ZNF799: variants seen among roughly 807,000 people sequenced by gnomAD.
The protein encoded by ZNF799 is zinc finger protein 799.
In ZNF799, 28 loss-of-function variants were observed where a neutral mutation model predicts 41.0. The ratio of observed to expected loss-of-function variants is 0.68; its 90% CI spans 0.51 to 0.94. The LOEUF (loss-of-function observed/expected upper bound fraction) is 0.94, where lower values mean the gene tolerates loss of function less well. ZNF799 is among the 40% of genes least tolerant of loss of function. ZNF799 has a pLI of 0.00. For synonymous variants in ZNF799, 213 were observed against 252.9 expected, an observed-to-expected ratio of 0.84 and a Z score of 1.50; for missense variants, 716 against 764.3, an observed-to-expected ratio of 0.94 and a Z score of 0.74.
At chr19:12,414,992 C>T in the ZNF799 span, among the ~76,000 whole-genome samples, 1 of 152,244 alleles carries the variant, frequency 6.6e-6, no homozygotes, top group African/African-American at 2.4e-5. Context: ...AAACCTGAAA[C>T]ATTAGACTTT....
At chr19:12,400,863 G>A in intron 1 of ZNF799, 1 of 843,454 alleles carries the variant, frequency 1.2e-6, no homozygotes, top group South Asian at 1.7e-5. Context: ...GGCCGCAGTC[G>A]CCGCGCAGGA....
chr19:12,411,307 C>G, the ZNF799 span, among the ~76,000 whole-genome samples: 1 of 152,010 alleles, frequency 6.6e-6, no homozygotes, highest in Non-Finnish European at 1.5e-5. Context: ...GCTTTGAAGT[C>G]TATAGTAATG....
chr19:12,401,181 G>T lies in ZNF799; in HGVS notation c.-111C>A. 2.5e-6 allele frequency: 4 copies of T among 1,590,818 alleles called. 1 individual carries two copies. The highest frequency in any genetic ancestry group is 8.5e-7 in the Non-Finnish European group (1 of 1,169,946). ...TTCCAGGTCGTCTCTTAGCTACAGA[G>T]CCGAGCACCGAGCGCCCAGCGCAGG... On this transcript the variant is annotated 5_prime_UTR_variant, in exon 1 of 4. Coordinates refer to ENST00000430385, the MANE Select transcript of ZNF799 (RefSeq NM_001080821.3).
intron 1 of ZNF799, chr19:12,394,445 T>G (rs763273708): frequency 2.7e-6 from 1 of 370,146 alleles, no homozygotes; most frequent in African/African-American, 2.2e-5. Flanking sequence ...GGGTCTATAA[T>G]GAACTTTCTG....
At chr19:12,397,644 A>C (rs953077795) in intron 1 of ZNF799, among the ~76,000 whole-genome samples, 1 of 151,950 alleles carries the variant, frequency 6.6e-6, no homozygotes, top group African/African-American at 2.4e-5. Flanking sequence ...AAATACAATC[A>C]TATAGACTCC....
At chr19:12,397,842 A>G (rs1000356080) in intron 1 of ZNF799, among the ~76,000 whole-genome samples, 10 of 152,316 alleles carry the variant, frequency 6.6e-5, no homozygotes, top group African/African-American at 2.4e-4. Context: ...AGATCCACCA[A>G]TGTGTGCAAG....
chr19:12,399,477 A>G (rs10425337), intron 1 of ZNF799, among the ~76,000 whole-genome samples: 4,538 of 151,224 alleles, frequency 0.03, 219 homozygotes, highest in African/African-American at 0.1. Flanking sequence ...GTGTCCCAGG[A>G]GTTAGCTTTT....
Position 12,390,476 on chromosome 19 carries a change from T to C in ZNF799, c.1922A>G (p.Lys641Arg). 1.2e-6 allele frequency: 2 copies of C among 1,613,920 alleles called. No individual in the cohort carries two copies. Among genetic ancestry groups the C allele is most frequent in the Non-Finnish European group, 1.7e-6 (2 of 1,179,828 alleles). The change falls in exon 4 of 4, where the codon AAG becomes AGG. Residue 641 changes from lysine (K) to arginine (R), a missense_variant. Physicochemically the swap from Lys to Arg is conservative, Grantham distance 26. Coordinates refer to ENST00000430385, the MANE Select transcript of ZNF799 (RefSeq NM_001080821.3). ...CATTTAGAGAGAATGCTAGTGAGTC[T>C]TTTTATGTCTATGCAAGGAACTGAG... ...ASLSSLHRHKKTH is the reference protein window; with the variant it reads ...ASLSSLHRHKRTH
chr19:12,394,193 A>G (rs997968857), intron 1 of ZNF799: 1 of 152,354 alleles, frequency 6.6e-6, no homozygotes. Context: ...TGAGAAGAGT[A>G]AGAGATCTGA....
chr19:12,391,125 G>A lies in ZNF799; in HGVS notation c.1273C>T (p.Gln425Ter). The change falls in exon 4 of 4, where the codon CAA becomes TAA. Residue 425 changes from glutamine to a stop codon, truncating the protein, a stop_gained. Transcript: ENST00000430385. LOFTEE classifies it high-confidence loss of function. ...GAAATACGGTAGGCTTTGCCACATT[G>A]TTTACATTTATAGGGTTTCTCTGCA... is the stretch of plus-strand genomic sequence containing the variant. The part of the protein sequence containing the change: ...HTAEKPYKCK[Q>*]CGKAYRISSS... 1 of 1,614,134 alleles carries A rather than the reference G, an allele frequency of 6.2e-7. No homozygotes were observed. The highest frequency in any genetic ancestry group is 8.5e-7 in the Non-Finnish European group (1 of 1,180,014).
At chr19:12,409,103 A>T in the ZNF799 span, among the ~76,000 whole-genome samples, 12 of 151,884 alleles carry the variant, frequency 7.9e-5, no homozygotes, top group African/African-American at 2.4e-4. Flanking sequence ...GGTTTTGTGG[A>T]AGACAATTTT....
At position 12,400,984 on chromosome 19, in the gene ZNF799, G is replaced by A. The variant is rs531071022; in HGVS notation, c.3+84C>T. ...CGTAGATCCCGGAGTAGCCCTTGGGGAGGCCCGGGTCCAGCCACAGCCGAT... is the reference window on the plus strand; with the variant it reads ...CGTAGATCCCGGAGTAGCCCTTGGGAAGGCCCGGGTCCAGCCACAGCCGAT... On this transcript the variant is annotated intron_variant, in intron 1 of 3. Transcript: ENST00000430385. 1.6e-5 allele frequency: 25 copies of A among 1,612,090 alleles called. No individual in the cohort carries two copies. In the South Asian group the frequency reaches 1.6e-4, roughly 11 times the overall value.
chr19:12,391,780 A>G lies in ZNF799; in HGVS notation c.618T>C (p.Phe206=), dbSNP rs777955024. The change falls in exon 4 of 4, where the codon TTT becomes TTC. Residue 206 remains phenylalanine, a synonymous_variant. Transcript: ENST00000430385. The part of the protein sequence containing the change: ...PYKCKLCGKA[F]FWPSLLHMHE... ...GCATATGTAATAAACTGGGCCAAAA[A>G]AACGCTTTCCCACACAACTTACATT... is the stretch of plus-strand genomic sequence containing the variant. 2 of 1,614,050 alleles carry G rather than the reference A, an allele frequency of 1.2e-6. No homozygotes were observed. Among genetic ancestry groups the G allele is most frequent in the Non-Finnish European group, 1.7e-6 (2 of 1,179,988 alleles).
chr19:12,401,302 C>T (rs1969982448), upstream of ZNF799: 1 of 1,294,332 alleles, frequency 7.7e-7, no homozygotes, highest in Non-Finnish European at 1.0e-6. Flanking sequence ...ACGGCCCTTA[C>T]TGGATACGGC....
At chr19:12,402,803 G>T (rs1179344938), upstream of ZNF799, among the ~76,000 whole-genome samples, 2 of 151,912 alleles carry the variant, frequency 1.3e-5, no homozygotes, top group Non-Finnish European at 2.9e-5. Context: ...CATGATGAAT[G>T]ATCTTTTTGG....
chr19:12,404,585 G>A (rs949862833), upstream of ZNF799, among the ~76,000 whole-genome samples: 24 of 152,114 alleles, frequency 1.6e-4, no homozygotes, highest in African/African-American at 4.1e-4. Flanking sequence ...CACCATGCCC[G>A]GCCCTCAGTG....
chr19:12,397,654 C>G (rs1174223231), intron 1 of ZNF799, among the ~76,000 whole-genome samples: 1 of 150,082 alleles, frequency 6.7e-6, no homozygotes, highest in Non-Finnish European at 1.5e-5. Context: ...ATATAGACTC[C>G]TCAGTTAAAA....
upstream of ZNF799, among the ~76,000 whole-genome samples, chr19:12,403,027 G>A (rs1970008919): frequency 6.6e-6 from 1 of 152,220 alleles, no homozygotes; most frequent in Middle Eastern, 3.2e-3. Context: ...TTTTTTAAAT[G>A]TTAGTAGAAT....
the ZNF799 span, among the ~76,000 whole-genome samples, chr19:12,412,814 C>G: frequency 0.33 from 50,433 of 151,444 alleles, 8,956 homozygotes; most frequent in South Asian, 0.51. Flanking sequence ...CCAAGGCAGG[C>G]AGATCACCTG....
Sources: gnomAD v4.1 joint callset for allele counts (sites outside exome capture counted in the v4.1 genomes callset) on GRCh38, gnomAD v4.1.1 for gene constraint, MANE v1.5 for transcripts, NCBI Gene and HGNC (gene_info 2026-07-23, HGNC 2026-07-21) for gene names.